OR51B5: variants seen among roughly 807,000 people sequenced by gnomAD.
OR51B5 encodes the protein olfactory receptor family 51 subfamily B member 5.
For missense variants in OR51B5, 456 were observed against 374.6 expected, an observed-to-expected ratio of 1.22 and a Z score of -1.79; for synonymous variants, 186 against 144.8, an observed-to-expected ratio of 1.28 and a Z score of -2.04.
At chr11:5,478,150 G>A (rs943551466) in intron 1 of OR51B5, among the ~76,000 whole-genome samples, 15 of 151,746 alleles carry the variant, frequency 9.9e-5, no homozygotes, top group South Asian at 6.3e-4. Flanking sequence ...CTCCCAGCAA[G>A]CAGCTGGAGA....
intron 1 of OR51B5, among the ~76,000 whole-genome samples, chr11:5,426,370 A>T (rs1850451041): frequency 6.6e-6 from 1 of 152,184 alleles, no homozygotes; most frequent in Non-Finnish European, 1.5e-5. Flanking sequence ...CAAAATTTAA[A>T]AATTATTTAA....
At chr11:5,465,018 A>G (rs992651259) in intron 1 of OR51B5, among the ~76,000 whole-genome samples, 3 of 152,060 alleles carry the variant, frequency 2.0e-5, no homozygotes, top group African/African-American at 7.2e-5. Flanking sequence ...CATCCCGGCT[A>G]AAACGGTGAA....
chr11:5,423,690 A>G (rs939136804), intron 1 of OR51B5, among the ~76,000 whole-genome samples: 1 of 152,218 alleles, frequency 6.6e-6, no homozygotes, highest in African/African-American at 2.4e-5. Flanking sequence ...AATTAACACC[A>G]GCACTTACCT....
chr11:5,483,514 A>AAAAG (rs1851456725), intron 1 of OR51B5, among the ~76,000 whole-genome samples: 1 of 140,934 alleles, frequency 7.1e-6, no homozygotes, highest in African/African-American at 2.7e-5. Flanking sequence ...TAATTAAAAA[A>AAAAG]AAAAGAAAAG....
chr11:5,464,417 T>G (rs901749018), intron 1 of OR51B5, among the ~76,000 whole-genome samples: 71 of 151,804 alleles, frequency 4.7e-4, no homozygotes, highest in African/African-American at 1.6e-3. Flanking sequence ...TAGGTATATC[T>G]CCCAATGCTA....
intron 1 of OR51B5, among the ~76,000 whole-genome samples, chr11:5,426,643 A>G (rs762302893): frequency 1.3e-5 from 2 of 152,120 alleles, no homozygotes; most frequent in African/African-American, 2.4e-5. Context: ...AGGGCACAAA[A>G]AAGCCCCTAC....
At chr11:5,342,978 T>G in exon 1 of OR51B5, 2 of 1,613,594 alleles carry the variant, frequency 1.2e-6, no homozygotes, top group Non-Finnish European at 1.7e-6. Flanking sequence ...GCGAGTTTAA[T>G]GACATCCTGG....
chr11:5,455,778 T>A (rs1207232253), intron 1 of OR51B5: 5 of 152,084 alleles, frequency 3.3e-5, no homozygotes, highest in Admixed American at 1.3e-4. Flanking sequence ...AGGGAGCTAT[T>A]TTAAAAATGA....
chr11:5,478,958 C>T (rs1260206492), intron 1 of OR51B5, among the ~76,000 whole-genome samples: 1 of 151,746 alleles, frequency 6.6e-6, no homozygotes, highest in Non-Finnish European at 1.5e-5. Context: ...TCCGGGAGAA[C>T]TTCCCCAATC....
chr11:5,477,395 C>T (rs1851326723), intron 1 of OR51B5, among the ~76,000 whole-genome samples: 2 of 152,148 alleles, frequency 1.3e-5, no homozygotes, highest in African/African-American at 4.8e-5. Context: ...GGCTCACCTC[C>T]TTGAAGCTCC....
At chr11:5,384,189 T>C (rs2133721847) in intron 1 of OR51B5, among the ~76,000 whole-genome samples, 1 of 152,316 alleles carries the variant, frequency 6.6e-6, no homozygotes, top group East Asian at 1.9e-4. Flanking sequence ...GTTTGTTGTT[T>C]TTAGAAATGA....
intron 1 of OR51B5, among the ~76,000 whole-genome samples, chr11:5,400,911 G>T (rs116588464): frequency 0.026 from 3,889 of 152,304 alleles, 157 homozygotes; most frequent in African/African-American, 0.085. Context: ...TGAATGGAAA[G>T]TTCATACAAG....
chr11:5,493,952 T>C (rs561813868), intron 1 of OR51B5, among the ~76,000 whole-genome samples: 1 of 152,232 alleles, frequency 6.6e-6, no homozygotes, highest in African/African-American at 2.4e-5. Context: ...TTTTAACCAG[T>C]ATATCTAGGA....
At chr11:5,448,364 T>C (rs778180347) in intron 1 of OR51B5, among the ~76,000 whole-genome samples, 12 of 152,198 alleles carry the variant, frequency 7.9e-5, no homozygotes, top group Non-Finnish European at 1.2e-4. Context: ...CGTACCTTTC[T>C]GCTCTGATAG....
intron 1 of OR51B5, among the ~76,000 whole-genome samples, chr11:5,412,643 T>G (rs903914735): frequency 6.6e-6 from 1 of 152,228 alleles, no homozygotes; most frequent in Non-Finnish European, 1.5e-5. Flanking sequence ...GATTATATCC[T>G]GCACATGGCT....
At chr11:5,433,251 G>A (rs1219144521) in intron 1 of OR51B5, among the ~76,000 whole-genome samples, 2 of 152,030 alleles carry the variant, frequency 1.3e-5, no homozygotes, top group Non-Finnish European at 2.9e-5. Context: ...AGATCAGAGA[G>A]AAATAGCTAA....
At chr11:5,352,407 C>T in intron 1 of OR51B5, 2 of 1,610,334 alleles carry the variant, frequency 1.2e-6, no homozygotes, top group Middle Eastern at 1.7e-4. Context: ...TTCAGAGTGG[C>T]ATACTTCGTT....
At position 5,441,315 on chromosome 11, in the gene OR51B5, A is replaced by T. The variant is rs1564814751; in HGVS notation, n.84+64254T>A. ...CACTCCCAGATCATTGAGAGCGAGC[A>T]TAGAGAGGAAGTAGTACATGGGCTG... On this transcript the variant is annotated intron_variant and non_coding_transcript_variant, in intron 1 of 4. Coordinates refer to the OR51B5 transcript ENST00000415970. 5.0e-6 allele frequency: 8 copies of T among 1,613,976 alleles called. No homozygotes were observed. Among genetic ancestry groups the T allele is most frequent in the Non-Finnish European group, 6.8e-6 (8 of 1,179,904 alleles).
intron 1 of OR51B5, among the ~76,000 whole-genome samples, chr11:5,485,210 C>T (rs1249572667): frequency 1.3e-5 from 2 of 152,268 alleles, no homozygotes; most frequent in Non-Finnish European, 2.9e-5. Context: ...ATACACAGTA[C>T]ACAAATCCTG....
Sources: gnomAD v4.1 joint callset for allele counts (sites outside exome capture counted in the v4.1 genomes callset) on GRCh38, gnomAD v4.1.1 for gene constraint, MANE v1.5 for transcripts, NCBI Gene and HGNC (gene_info 2026-07-23, HGNC 2026-07-21) for gene names.